Variants in DDX60 observed in about 807,000 individuals in gnomAD.
The protein encoded by DDX60 is DExD/H-box helicase 60, also known as probable ATP-dependent RNA helicase DDX60.
A neutral mutation model predicts 212.8 loss-of-function variants in DDX60; 165 were observed. The observed-to-expected ratio is 0.78, with a 90% CI of 0.68 to 0.88. The LOEUF (loss-of-function observed/expected upper bound fraction) is 0.88, where lower values mean the gene tolerates loss of function less well. DDX60 is among the 40% of genes least tolerant of loss of function. The pLI is 0.00. For synonymous variants in DDX60, 703 were observed against 685.3 expected, an observed-to-expected ratio of 1.03 and a Z score of -0.40; for missense variants, 1,905 against 2,003.9, an observed-to-expected ratio of 0.95 and a Z score of 0.94.
At position 168,306,404 on chromosome 4, in the gene DDX60, T is replaced by C; in HGVS notation, c.581A>G (p.Tyr194Cys). The C allele has an allele frequency of 2.5e-6, 4 of 1,613,162 alleles. No individual in the cohort carries two copies. Among genetic ancestry groups the C allele is most frequent in the Non-Finnish European group, 3.4e-6 (4 of 1,179,354 alleles). ...CTTCCAGGAAAAAATCTGGTGTCTG[T>C]ACATGCTTGGAAGAAGGTATGCATA... ...CLYAYLLPSMYRHQIFSWKNK... is the reference protein window; with the variant it reads ...CLYAYLLPSMCRHQIFSWKNK... Residue 194 changes from tyrosine to cysteine, a missense_variant, in exon 5 of 38, where the codon TAC becomes TGC. Coordinates refer to ENST00000393743, the MANE Select transcript of DDX60 (RefSeq NM_017631.6).
rs756981543 is a variant in DDX60, at chr4:168,262,095, T to C, written c.3178A>G (p.Asn1060Asp). Residue 1060 changes from asparagine to aspartate, a missense_variant, in exon 24 of 38, where the codon AAT becomes GAT. Coordinates refer to ENST00000393743, the MANE Select transcript of DDX60 (RefSeq NM_017631.6). The part of the protein sequence containing the change: ...LCPENFIHFN[N>D]KLVIKKMDAR... ...TCCATCTTTTTAATGACTAATTTAT[T>C]GTTAAAATGAATGAAGTTTTCTGGG... 1.3e-6 allele frequency: 2 copies of C among 1,593,826 alleles called. No individual in the cohort carries two copies. Among genetic ancestry groups the C allele is most frequent in the South Asian group, 1.2e-5 (1 of 85,950 alleles).
At chr4:168,222,190 T>C (rs931188334) in intron 35 of DDX60, among the ~76,000 whole-genome samples, 1 of 152,162 alleles carries the variant, frequency 6.6e-6, no homozygotes, top group African/African-American at 2.4e-5. Context: ...ATTCTCCTTA[T>C]TGGTGAAAGG....
intron 19 of DDX60, among the ~76,000 whole-genome samples, chr4:168,270,224 C>T (rs761760515): frequency 7.2e-5 from 11 of 152,172 alleles, no homozygotes; most frequent in Middle Eastern, 3.2e-3. Flanking sequence ...AGTAAATGAA[C>T]GGATGAGCAA....
chr4:168,276,636 T>C (rs1236280015), intron 14 of DDX60, among the ~76,000 whole-genome samples: 1 of 152,188 alleles, frequency 6.6e-6, no homozygotes, highest in African/African-American at 2.4e-5. Context: ...TCAATCCACC[T>C]CTTCCAACTG....
intron 28 of DDX60, among the ~76,000 whole-genome samples, chr4:168,249,265 C>T (rs1734133421): frequency 6.6e-6 from 1 of 152,124 alleles, no homozygotes; most frequent in Non-Finnish European, 1.5e-5. Context: ...AGGAGCAGGA[C>T]AAACTTAAAA....
chr4:168,275,331 A>C lies in DDX60; in HGVS notation c.2304+14T>G. The C allele has an allele frequency of 6.3e-7, 1 of 1,586,140 alleles. No homozygotes were observed. On this transcript the variant is annotated intron_variant, in intron 16 of 37. Transcript: ENST00000393743. ...AAGAAAATACAGTAATTTTTGTTTC[A>C]TTTGCAGTATTACCTGCCATGTGTC...
At position 168,276,182 on chromosome 4, in the gene DDX60, CT is replaced by C; in HGVS notation, c.1979-2del. On this transcript the variant is annotated splice_acceptor_variant, in intron 14 of 37. Transcript: ENST00000393743. LOFTEE classifies it high-confidence loss of function. ...ATACTTAAATCTTTCGTGGTTTTAC[CT>C]TGATAAACAATAAACAATAAAATTG... is the stretch of plus-strand genomic sequence containing the variant. 1 of 1,594,630 alleles carries C rather than the reference CT, an allele frequency of 6.3e-7. No homozygotes were observed. The highest frequency in any genetic ancestry group is 8.6e-7 in the Non-Finnish European group (1 of 1,168,604).
At chr4:168,315,491 G>C (rs1737325328) in intron 1 of DDX60, among the ~76,000 whole-genome samples, 1 of 152,140 alleles carries the variant, frequency 6.6e-6, no homozygotes, top group Non-Finnish European at 1.5e-5. Context: ...CATGTGCCAT[G>C]GTGGTTTGCT....
chr4:168,219,536 G>A (rs1732975804), intron 37 of DDX60, among the ~76,000 whole-genome samples: 1 of 152,066 alleles, frequency 6.6e-6, no homozygotes, highest in South Asian at 2.1e-4. Context: ...AGTGGACAAA[G>A]CAGTTTCCTT....
chr4:168,285,461 A>T lies in DDX60; in HGVS notation c.1377T>A (p.Ile459=). 1 of 1,610,672 alleles carries T rather than the reference A, an allele frequency of 6.2e-7. No homozygotes were observed. The highest frequency in any genetic ancestry group is 8.5e-7 in the Non-Finnish European group (1 of 1,179,102). The change falls in exon 11 of 38, where the codon ATT becomes ATA. Residue 459 remains isoleucine (I), a synonymous_variant. Coordinates refer to ENST00000393743, the MANE Select transcript of DDX60 (RefSeq NM_017631.6). The stretch of plus-strand genomic sequence containing the variant: ...TATCAACCACAAAAGATGACGTTGG[A>T]ATAAAACCCAAATTGGGCACCATTT... ...SNEMVPNLGF[I]PTSSFVVDKF... is the part of the protein sequence containing the mutation.
At chr4:168,252,148 GA>G (rs1227720756) in intron 27 of DDX60, among the ~76,000 whole-genome samples, 1 of 152,164 alleles carries the variant, frequency 6.6e-6, no homozygotes, top group African/African-American at 2.4e-5. Flanking sequence ...TCAGGCTGTG[GA>G]AACAATGTAA....
At chr4:168,283,843 CAA>C (rs35859714) in intron 12 of DDX60, among the ~76,000 whole-genome samples, 1 of 151,700 alleles carries the variant, frequency 6.6e-6, no homozygotes, top group Non-Finnish European at 1.5e-5. Context: ...TCAGGTGCAA[CAA>C]AAAAAATGAC....
At chr4:168,317,057 CAAAAA>C (rs34647800) in intron 1 of DDX60, among the ~76,000 whole-genome samples, 1 of 49,816 alleles carries the variant, frequency 2.0e-5, no homozygotes, top group Admixed American at 1.8e-4. Context: ...GACTCCGTCT[CAAAAA>C]AAAAAAAAAA....
At position 168,224,354 on chromosome 4, in the gene DDX60, T is replaced by A; in HGVS notation, c.4713A>T (p.Gln1571His). ...TGCAGCTCATCAAATGAGATACGAGTTGAGAGTCTTCACATTCTTTACCTG... is the reference window on the plus strand; with the variant it reads ...TGCAGCTCATCAAATGAGATACGAGATGAGAGTCTTCACATTCTTTACCTG... ...KFTGKECEDS[Q>H]LVSHLMSCKE... Residue 1571 changes from glutamine (Q) to histidine (H), a missense_variant, in exon 35 of 38, where the codon CAA (glutamine) becomes CAT (histidine). Physicochemically the swap from Gln to His is conservative, Grantham distance 24. Transcript: ENST00000393743. 3 of 1,611,894 alleles carry A rather than the reference T, an allele frequency of 1.9e-6. No homozygotes were observed. Among genetic ancestry groups the A allele is most frequent in the Non-Finnish European group, 2.5e-6 (3 of 1,178,568 alleles).
chr4:168,318,456 G>A (rs762374289), intron 1 of DDX60, among the ~76,000 whole-genome samples, 166 bp downstream of exon 1: 2 of 152,202 alleles, frequency 1.3e-5, no homozygotes, highest in Non-Finnish European at 2.9e-5. Context: ...CCAGCAGGGG[G>A]CCCGTGCGCC....
In DDX60 at chr4:168,280,463, T is replaced by C. The variant is rs747985193; in HGVS notation, c.1850A>G (p.His617Arg). 4 of 1,614,060 alleles carry C rather than the reference T, an allele frequency of 2.5e-6. No homozygotes were observed. In the Admixed American group the frequency reaches 6.7e-5, roughly 27 times the overall value. Residue 617 changes from histidine to arginine, a missense_variant, in exon 14 of 38, where the codon CAC becomes CGC. Coordinates refer to ENST00000393743, the MANE Select transcript of DDX60 (RefSeq NM_017631.6). Reference protein sequence around the residue: ...SIEEQLKENLHSGIKSLEDFL... With the variant: ...SIEEQLKENLRSGIKSLEDFL... Reference sequence around the variant, plus strand: ...ATCTTCCAGGCTCTTTATTCCAGAGTGTAAATTTTCTTTCAATTGCTCTTC... The same window carrying C: ...ATCTTCCAGGCTCTTTATTCCAGAGCGTAAATTTTCTTTCAATTGCTCTTC...
chr4:168,281,501 CATA>C (rs1260560940), intron 13 of DDX60, among the ~76,000 whole-genome samples: 2 of 152,116 alleles, frequency 1.3e-5, no homozygotes, highest in Admixed American at 1.3e-4. Context: ...GCATTTAGTC[CATA>C]ATGTTTGATG....
chr4:168,296,872 A>G (rs1013976108), intron 6 of DDX60, among the ~76,000 whole-genome samples: 1 of 128,974 alleles, frequency 7.8e-6, no homozygotes, highest in African/African-American at 3.2e-5. Flanking sequence ...ACAAAAAGTG[A>G]TCTTTTTTTT....
chr4:168,290,948 A>T lies in DDX60; in HGVS notation c.1041+800T>A, dbSNP rs1387826618. ...GAACATTTTCACTGTATGTATAATG[A>T]TCCTTAAAAAAAGTTCATGCCAATT... On this transcript the variant is annotated intron_variant, in intron 8 of 37. Transcript: ENST00000393743. Among the ~76,000 whole-genome samples the T allele has an allele frequency of 2.0e-5, 3 of 152,184 alleles. No homozygotes were observed. The East Asian group carries it at 5.8e-4, about 29-fold the overall frequency.
Sources: allele counts gnomAD v4.1 joint callset (sites outside exome capture counted in the v4.1 genomes callset), GRCh38; gene constraint gnomAD v4.1.1; transcripts MANE v1.5; gene names NCBI Gene and HGNC (gene_info 2026-07-23, HGNC 2026-07-21).